The following CEP164 variants were observed in gnomAD, a reference collection of about 807,000 sequenced individuals.
The protein encoded by CEP164 is centrosomal protein of 164 kDa.
In CEP164, 162 loss-of-function variants were observed where a neutral mutation model predicts 182.7. That is an observed-to-expected ratio of 0.89 (90% CI 0.78 to 1.01). The LOEUF (loss-of-function observed/expected upper bound fraction) is 1.01. Ranked by LOEUF, CEP164 falls within the 50% of genes least tolerant of loss-of-function variation. The pLI, the probability that CEP164 is intolerant of heterozygous loss-of-function variation, is 0.00. For missense variants in CEP164, 1,735 were observed against 1,790.4 expected (o/e 0.97, Z 0.56); for synonymous variants, 661 against 690.0 (o/e 0.96, Z 0.66).
At chr11:117,392,467 C>G (rs142977189) in intron 18 of CEP164, 29 bp from the exon 19 acceptor site, 371 of 1,606,402 alleles carry the variant, frequency 2.3e-4, no homozygotes, top group Middle Eastern at 1.2e-3. Context: ...GAGGGTCACA[C>G]TCCCCTGTGT....
intron 30 of CEP164, 96 bp from the exon 31 acceptor site, chr11:117,410,732 T>A: frequency 1.0e-6 from 1 of 985,886 alleles, no homozygotes; most frequent in Non-Finnish European, 1.5e-6. Context: ...CACTGAAGCT[T>A]TTCCTTTTAT....
intron 15 of CEP164, among the ~76,000 whole-genome samples, chr11:117,388,980 C>T (rs1009543434): frequency 6.6e-6 from 1 of 151,772 alleles, no homozygotes; most frequent in African/African-American, 2.4e-5. Context: ...CTGGGTTAGC[C>T]AGGATGGTCT....
chr11:117,328,624 G>T (rs986452116), intron 1 of CEP164, among the ~76,000 whole-genome samples: 4 of 152,104 alleles, frequency 2.6e-5, no homozygotes, highest in African/African-American at 9.7e-5. Context: ...TCTTTCCTGA[G>T]CTCAGACCTG....
chr11:117,344,972 G>T (rs546137528), intron 4 of CEP164, among the ~76,000 whole-genome samples: 1 of 151,896 alleles, frequency 6.6e-6, no homozygotes, highest in Non-Finnish European at 1.5e-5. Context: ...TACTTAAAAA[G>T]ATAAAATAAA....
chr11:117,327,876 C>T lies in CEP164; in HGVS notation c.-126C>T, dbSNP rs2035558492. 6.6e-6 allele frequency: 1 copy of T among 152,232 alleles called. No homozygotes were observed. The highest frequency in any genetic ancestry group is 2.4e-5 in the African/African-American group (1 of 41,460). The allele number at this position is 152,232 out of a possible 1,614,324, so 9.4% of individuals were successfully genotyped here. On this transcript the variant is annotated 5_prime_UTR_variant, in exon 1 of 33. Transcript: ENST00000278935. Reference sequence around the variant, plus strand: ...TTTGTTGCGCGCTGCAGGGCAACACCCCGGCGTCCCTGGAAGCTGGGGGAG... The same window carrying T: ...TTTGTTGCGCGCTGCAGGGCAACACTCCGGCGTCCCTGGAAGCTGGGGGAG...
chr11:117,362,550 G>A lies in CEP164; in HGVS notation c.687+12G>A, dbSNP rs1049850000. 1 of 1,611,484 alleles carries A rather than the reference G, an allele frequency of 6.2e-7. No homozygotes were observed. The highest frequency in any genetic ancestry group is 2.2e-5 in the East Asian group (1 of 44,842). On this transcript the variant is annotated intron_variant, in intron 7 of 32. Transcript: ENST00000278935. The stretch of plus-strand genomic sequence containing the variant: ...AAAGTGACAACCAGGTAATGATGAA[G>A]TCCTCTCCCTGGCCTGGAAACCCTC...
chr11:117,375,602 C>T (rs2042658141), intron 10 of CEP164, 106 bp from the exon 11 acceptor site: 3 of 839,872 alleles, frequency 3.6e-6, no homozygotes, highest in Non-Finnish European at 6.1e-6. Context: ...GAGCTGGGCA[C>T]ATAATAGACA....
chr11:117,396,513 G>C, intron 25 of CEP164, 37 bp from the exon 26 acceptor site: 1 of 1,571,686 alleles, frequency 6.4e-7, no homozygotes, highest in South Asian at 1.1e-5. Flanking sequence ...GTCTGCTTTT[G>C]CTACACTCAG....
rs966031589 is a variant in CEP164 at position 117,362,412 on chromosome 11, G to A, written c.561G>A (p.Gln187=). Residue 187 remains glutamine, a synonymous_variant, in exon 7 of 33, where the codon CAG becomes CAA. Coordinates refer to ENST00000278935, the MANE Select transcript of CEP164 (RefSeq NM_014956.5). ...CCTTCTCTATTTTGAAGCCTTCACA[G>A]GGTCTCAAGACCTCTGCTTATACAA... ...RQLGELMLPS[Q]GLKTSAYTKG... 1.2e-6 allele frequency: 2 copies of A among 1,612,406 alleles called. No homozygotes were observed. Among genetic ancestry groups the A allele is most frequent in the Admixed American group, 3.3e-5 (2 of 59,872 alleles).
chr11:117,406,637 A>G (rs541584680), intron 27 of CEP164, among the ~76,000 whole-genome samples: 2 of 152,198 alleles, frequency 1.3e-5, no homozygotes, highest in East Asian at 1.9e-4. Context: ...TTTTGAACAC[A>G]CTTAGCAAAA....
chr11:117,353,130 A>G (rs1367171972), intron 5 of CEP164, among the ~76,000 whole-genome samples: 3 of 152,118 alleles, frequency 2.0e-5, no homozygotes, highest in Non-Finnish European at 4.4e-5. Context: ...GGAGGGACAT[A>G]GGAACTCAGC....
intron 11 of CEP164, among the ~76,000 whole-genome samples, chr11:117,376,460 G>A (rs1400314153): frequency 1.3e-5 from 2 of 152,216 alleles, no homozygotes; most frequent in Non-Finnish European, 2.9e-5. Flanking sequence ...TTCAAGCCAA[G>A]AAGACTTTTC....
intron 3 of CEP164, among the ~76,000 whole-genome samples, chr11:117,340,657 A>T (rs1275024373): frequency 6.6e-6 from 1 of 152,104 alleles, no homozygotes. Flanking sequence ...ATGTAGCTAG[A>T]ACTACAGGTG....
chr11:117,396,700 G>A, intron 26 of CEP164, 89 bp downstream of exon 26: 3 of 1,043,456 alleles, frequency 2.9e-6, no homozygotes, highest in South Asian at 1.3e-5. Context: ...GTGAGCTGAA[G>A]TGAGGAGACG....
At chr11:117,390,163 G>A (rs576045730) in intron 15 of CEP164, among the ~76,000 whole-genome samples, 10 of 151,564 alleles carry the variant, frequency 6.6e-5, no homozygotes, top group African/African-American at 1.9e-4. Flanking sequence ...GGCTGGTCTC[G>A]AACTCCTGAC....
At chr11:117,392,833 G>C (rs139019960) in intron 19 of CEP164, among the ~76,000 whole-genome samples, 171 bp from the exon 20 acceptor site, 2 of 152,158 alleles carry the variant, frequency 1.3e-5, no homozygotes, top group Non-Finnish European at 2.9e-5. Context: ...TGGGGAGGGG[G>C]TGTTGGGGTA....
At position 117,375,830 on chromosome 11, in the gene CEP164, T is replaced by C. The variant is rs368342309; in HGVS notation, c.1317+39T>C. The C allele has an allele frequency of 3.8e-6, 6 of 1,589,620 alleles. No individual in the cohort carries two copies. The African/African-American group carries it at 6.7e-5, about 18-fold the overall frequency. On this transcript the variant is annotated intron_variant, in intron 11 of 32. Coordinates refer to ENST00000278935, the MANE Select transcript of CEP164 (RefSeq NM_014956.5). Reference sequence around the variant, plus strand: ...GGTGGTGGGCTGAGCTGGGGCCTCATTTTCCCTCACAACTTTTTCGGATGA... The same window carrying C: ...GGTGGTGGGCTGAGCTGGGGCCTCACTTTCCCTCACAACTTTTTCGGATGA...
At chr11:117,393,167 ACACACACATG>A (rs770267430) in intron 20 of CEP164, 41 bp downstream of exon 20, 76 of 1,599,002 alleles carry the variant, frequency 4.8e-5, no homozygotes, top group East Asian at 2.5e-4. Flanking sequence ...ACACACATGC[ACACACACATG>A]CACGCACATG....
intron 3 of CEP164, among the ~76,000 whole-genome samples, chr11:117,339,698 A>G (rs1226579093): frequency 1.3e-5 from 2 of 151,166 alleles, no homozygotes; most frequent in Admixed American, 6.6e-5. Flanking sequence ...CTGGGGAACT[A>G]ATTTTTGTAT....
Sources: gnomAD v4.1 joint callset for allele counts (sites outside exome capture counted in the v4.1 genomes callset) on GRCh38, gnomAD v4.1.1 for gene constraint, MANE v1.5 for transcripts, NCBI Gene and HGNC (gene_info 2026-07-23, HGNC 2026-07-21) for gene names.